The following RPGRIP1L variants were observed in gnomAD, a reference collection of about 807,000 sequenced individuals.
RPGRIP1L encodes the protein protein fantom.
Under a neutral mutation model 160.4 loss-of-function variants are expected in RPGRIP1L, and 131 were observed. The observed-to-expected ratio is 0.82, with a 90% CI of 0.71 to 0.94. The LOEUF is 0.94. Among genes scored for constraint, RPGRIP1L ranks in the 40% least tolerant of loss-of-function variants. The pLI is 0.00. For missense variants in RPGRIP1L, 1,522 were observed against 1,535.8 expected (o/e 0.99, Z 0.15); for synonymous variants, 510 against 515.8 (o/e 0.99, Z 0.15).
intron 17 of RPGRIP1L, among the ~76,000 whole-genome samples, chr16:53,645,268 G>A (rs1598308414): frequency 6.6e-6 from 1 of 150,620 alleles, no homozygotes; most frequent in South Asian, 2.1e-4. Context: ...TTGTACTGTT[G>A]GTATATAATA....
intron 22 of RPGRIP1L, among the ~76,000 whole-genome samples, chr16:53,626,869 T>C (rs1459792673): frequency 2.6e-5 from 4 of 151,820 alleles, no homozygotes; most frequent in Non-Finnish European, 5.9e-5. Flanking sequence ...CAGAACTCCA[T>C]GCAACTTATT....
At chr16:53,636,569 C>G (rs938894054) in intron 21 of RPGRIP1L, 57 bp from the exon 22 acceptor site, 1 of 1,185,776 alleles carries the variant, frequency 8.4e-7, no homozygotes, top group Non-Finnish European at 1.3e-6. Flanking sequence ...CTACTTATAC[C>G]CTGTAAAATA....
chr16:53,691,997 T>G, intron 4 of RPGRIP1L, 69 bp downstream of exon 4: 2 of 1,467,526 alleles, frequency 1.4e-6, no homozygotes, highest in Non-Finnish European at 1.9e-6. Flanking sequence ...GAAGTAAAAC[T>G]TTGTGTTTTT....
At chr16:53,613,330 TG>T (rs1964170799) in intron 24 of RPGRIP1L, among the ~76,000 whole-genome samples, 1 of 151,390 alleles carries the variant, frequency 6.6e-6, no homozygotes, top group Admixed American at 6.6e-5. Flanking sequence ...TTCTTAGAGA[TG>T]GGGGGCCTTG....
At chr16:53,659,034 G>A (rs1038102488) in intron 10 of RPGRIP1L, 156 bp from the exon 11 acceptor site, 5 of 667,494 alleles carry the variant, frequency 7.5e-6, no homozygotes, top group African/African-American at 5.5e-5. Context: ...AGACAGCAGG[G>A]GAATGAGGAA....
intron 9 of RPGRIP1L, among the ~76,000 whole-genome samples, chr16:53,668,206 G>T (rs1968437680): frequency 6.6e-6 from 1 of 152,116 alleles, no homozygotes; most frequent in African/African-American, 2.4e-5. Context: ...AGCATAAGCT[G>T]CTCATATTTG....
Position 53,656,138 on chromosome 16 carries a change from G to A in RPGRIP1L, c.1699+334C>T, listed in dbSNP as rs115444296. Among the ~76,000 whole-genome samples, 335 of 152,278 alleles carry A rather than the reference G, an allele frequency of 2.2e-3. 2 individuals are homozygous for A. The highest frequency in any genetic ancestry group is 7.7e-3 in the African/African-American group (321 of 41,570). ...CTTGCAACACTGAATTTAAAAAGCA[G>A]TAGGGAATTACTAAAAATTCTTGAG... is the stretch of plus-strand genomic sequence containing the variant. On this transcript the variant is annotated intron_variant, in intron 14 of 26. Coordinates refer to ENST00000647211, the MANE Select transcript of RPGRIP1L (RefSeq NM_015272.5).
chr16:53,678,758 T>C (rs1969391503), intron 6 of RPGRIP1L, among the ~76,000 whole-genome samples: 1 of 152,146 alleles, frequency 6.6e-6, no homozygotes, highest in African/African-American at 2.4e-5. Context: ...CTGTTTTGAG[T>C]AATAGTTACA....
chr16:53,622,691 G>C (rs574292791), intron 22 of RPGRIP1L, among the ~76,000 whole-genome samples: 1 of 152,120 alleles, frequency 6.6e-6, no homozygotes, highest in East Asian at 1.9e-4. Flanking sequence ...GGGAGGCTGA[G>C]GAGGGGCAGA....
chr16:53,665,371 C>T (rs1968154581), intron 9 of RPGRIP1L, among the ~76,000 whole-genome samples: 1 of 152,178 alleles, frequency 6.6e-6, no homozygotes, highest in Non-Finnish European at 1.5e-5. Context: ...TTCTCTCCCA[C>T]ATACAAACCT....
rs753794628 is a variant in RPGRIP1L, at chr16:53,700,674, G to A, written c.50C>T (p.Thr17Ile). The stretch of plus-strand genomic sequence containing the variant: ...TCCCATTCCAAAGAGGTTTAGACCT[G>A]TATCTTTCACAGGCAAGTCTCCTGC... The part of the protein sequence containing the change: ...ETAGDLPVKD[T>I]GLNLFGMGGL... The change falls in exon 2 of 27, where the codon ACA (threonine) becomes ATA (isoleucine). Residue 17 changes from threonine (T) to isoleucine (I), a missense_variant. Physicochemically the swap from Thr to Ile is moderately conservative, Grantham distance 89 (BLOSUM62 -1). Transcript: ENST00000647211. The A allele has an allele frequency of 6.2e-7, 1 of 1,613,548 alleles. No individual in the cohort carries two copies. Among genetic ancestry groups the A allele is most frequent in the Non-Finnish European group, 8.5e-7 (1 of 1,179,746 alleles).
intron 17 of RPGRIP1L, among the ~76,000 whole-genome samples, chr16:53,645,319 G>T (rs1023480465): frequency 6.6e-6 from 1 of 151,442 alleles, no homozygotes; most frequent in Non-Finnish European, 1.5e-5. Flanking sequence ...AATAATAATT[G>T]CAAAAAGGAG....
chr16:53,697,462 C>T (rs2151386284), intron 2 of RPGRIP1L, among the ~76,000 whole-genome samples: 1 of 152,248 alleles, frequency 6.6e-6, no homozygotes, highest in East Asian at 1.9e-4. Context: ...AACCTCCCTG[C>T]CTGATTCTCC....
intron 19 of RPGRIP1L, among the ~76,000 whole-genome samples, 180 bp downstream of exon 19, chr16:53,640,853 A>C (rs1966165741): frequency 6.6e-6 from 1 of 152,184 alleles, no homozygotes; most frequent in Non-Finnish European, 1.5e-5. Flanking sequence ...GGTTTAGATA[A>C]AAAATTTGAA....
At position 53,696,260 on chromosome 16, in the gene RPGRIP1L, C is replaced by G; in HGVS notation, c.121G>C (p.Ala41Pro). 6.2e-7 allele frequency: 1 copy of G among 1,614,014 alleles called. No homozygotes were observed. The highest frequency in any genetic ancestry group is 8.5e-7 in the Non-Finnish European group (1 of 1,179,944). Residue 41 changes from alanine (A) to proline (P), a missense_variant, in exon 3 of 27, where the codon GCA (alanine) becomes CCA (proline). Coordinates refer to ENST00000647211, the MANE Select transcript of RPGRIP1L (RefSeq NM_015272.5). ...TCCTCACGACTGACACGTGACACTG[C>G]CTGGCGAGACTTCATTGTCCGTGTT... ...STTRTMKSRQ[A>P]VSRVSREELE...
intron 2 of RPGRIP1L, among the ~76,000 whole-genome samples, chr16:53,699,152 A>G (rs1043326024): frequency 1.5e-4 from 23 of 152,164 alleles, no homozygotes; most frequent in Non-Finnish European, 2.6e-4. Context: ...GATTAAGGGC[A>G]GTGCAAGATG....
At chr16:53,679,011 A>C (rs1210614411) in intron 6 of RPGRIP1L, among the ~76,000 whole-genome samples, 1 of 152,212 alleles carries the variant, frequency 6.6e-6, no homozygotes, top group Non-Finnish European at 1.5e-5. Flanking sequence ...ATAGCTGAGG[A>C]AAGTCTATTT....
At chr16:53,696,965 G>A (rs34674297) in intron 2 of RPGRIP1L, among the ~76,000 whole-genome samples, 12,137 of 152,170 alleles carry the variant, frequency 0.08, 912 homozygotes, top group African/African-American at 0.17. Context: ...GGGCTGGGGC[G>A]GGTGGATCAC....
At chr16:53,691,917 CAA>C in intron 4 of RPGRIP1L, 147 bp downstream of exon 4, 1 of 742,502 alleles carries the variant, frequency 1.3e-6, no homozygotes, top group Non-Finnish European at 2.3e-6. Flanking sequence ...TCTTCACTGA[CAA>C]TATTATTTTA....
Sources: allele counts gnomAD v4.1 joint callset (sites outside exome capture counted in the v4.1 genomes callset), GRCh38; gene constraint gnomAD v4.1.1; transcripts MANE v1.5; gene names NCBI Gene and HGNC (gene_info 2026-07-23, HGNC 2026-07-21).